GALNTL6: variants seen among roughly 807,000 people sequenced by gnomAD.
GALNTL6 encodes polypeptide N-acetylgalactosaminyltransferase-like 6.
A neutral mutation model predicts 73.7 loss-of-function variants in GALNTL6; 46 were observed. That is an observed-to-expected ratio of 0.62 (90% CI 0.49 to 0.80). The LOEUF (loss-of-function observed/expected upper bound fraction) is 0.80. GALNTL6 is among the 30% of genes least tolerant of loss of function. The pLI is 0.00. For missense variants in GALNTL6, 604 were observed against 755.0 expected (o/e 0.80, Z 2.34); for synonymous variants, 259 against 263.7 (o/e 0.98, Z 0.17).
intron 2 of GALNTL6, among the ~76,000 whole-genome samples, chr4:172,181,049 G>T (rs1291710157): frequency 1.3e-5 from 2 of 152,078 alleles, no homozygotes; most frequent in African/African-American, 4.8e-5. Flanking sequence ...ATTACTTTGG[G>T]CAGTATGACC....
chr4:171,951,961 T>G (rs891973441), intron 2 of GALNTL6, among the ~76,000 whole-genome samples: 1 of 152,062 alleles, frequency 6.6e-6, no homozygotes, highest in Non-Finnish European at 1.5e-5. Flanking sequence ...TAGTAAAATA[T>G]TTTAAAAATG....
Position 172,510,630 on chromosome 4 carries a change from G to T in GALNTL6, c.553+161941G>T, listed in dbSNP as rs1298500296. ...AGTATGTCCTTTCTATGCCAATTTTGTTGAGCATTTTAATGATAAAGGGAT... is the reference window on the plus strand; with the variant it reads ...AGTATGTCCTTTCTATGCCAATTTTTTTGAGCATTTTAATGATAAAGGGAT... On this transcript the variant is annotated intron_variant, in intron 5 of 12. Coordinates refer to ENST00000506823, the MANE Select transcript of GALNTL6 (RefSeq NM_001034845.3). Among the ~76,000 whole-genome samples the T allele has an allele frequency of 3.7e-5, 2 of 54,692 alleles. 1 individual carries two copies. The highest frequency in any genetic ancestry group is 9.1e-5 in the African/African-American group (2 of 21,964). 35.9% of individuals were successfully genotyped at this position (54,692 alleles called of 152,430 possible).
intron 2 of GALNTL6, among the ~76,000 whole-genome samples, chr4:171,832,338 T>A (rs953893472): frequency 2.0e-5 from 3 of 151,612 alleles, no homozygotes; most frequent in African/African-American, 7.2e-5. Context: ...GGGCAGGATA[T>A]TCCTATTTAC....
intron 2 of GALNTL6, among the ~76,000 whole-genome samples, chr4:171,896,762 T>C (rs1325091357): frequency 6.6e-6 from 1 of 152,146 alleles, no homozygotes; most frequent in African/African-American, 2.4e-5. Context: ...TTGTATGAAT[T>C]TGAGGGGGAC....
At chr4:172,869,252 A>G (rs1744805201) in intron 7 of GALNTL6, among the ~76,000 whole-genome samples, 1 of 152,252 alleles carries the variant, frequency 6.6e-6, no homozygotes, top group African/African-American at 2.4e-5. Context: ...ACAAGCTTAA[A>G]ATGATGAATA....
chr4:173,025,300 A>C (rs1206960813), intron 12 of GALNTL6, among the ~76,000 whole-genome samples: 1 of 152,104 alleles, frequency 6.6e-6, no homozygotes, highest in Non-Finnish European at 1.5e-5. Context: ...TGTTGAGGCA[A>C]CCTCAGTAAA....
Position 172,366,800 on chromosome 4 carries a change from AGACT to A in GALNTL6, c.553+18116_553+18119del, listed in dbSNP as rs150145773. 9.8e-4 allele frequency among the ~76,000 whole-genome samples: 150 copies of A among 152,322 alleles called. 1 individual carries two copies. In the South Asian group the frequency reaches 0.016, roughly 16 times the overall value. On this transcript the variant is annotated intron_variant, in intron 5 of 12. Coordinates refer to ENST00000506823, the MANE Select transcript of GALNTL6 (RefSeq NM_001034845.3). ...ATCACTGAGTAGAGTCAGTGGAAAG[AGACT>A]GACTATTTCCTTGTCCAAAAAGAGA...
chr4:172,555,419 A>G (rs541747943), intron 5 of GALNTL6, among the ~76,000 whole-genome samples: 23 of 152,086 alleles, frequency 1.5e-4, no homozygotes, highest in African/African-American at 3.9e-4. Flanking sequence ...TGAGACTCAC[A>G]TGAGTCTAAT....
At chr4:172,916,703 C>A (rs1284112469) in intron 8 of GALNTL6, among the ~76,000 whole-genome samples, 1 of 152,072 alleles carries the variant, frequency 6.6e-6, no homozygotes, top group Admixed American at 6.6e-5. Context: ...ATGTGAAGAA[C>A]CGTTTCAAGG....
intron 4 of GALNTL6, among the ~76,000 whole-genome samples, chr4:172,340,938 C>T (rs1177774991): frequency 1.3e-5 from 2 of 152,280 alleles, no homozygotes; most frequent in East Asian, 3.9e-4. Flanking sequence ...GTTCTGTGTA[C>T]AGCTCATTCC....
intron 4 of GALNTL6, among the ~76,000 whole-genome samples, chr4:172,333,971 A>G (rs1741222714): frequency 2.0e-5 from 3 of 152,080 alleles, no homozygotes; most frequent in African/African-American, 7.2e-5. Flanking sequence ...AGTTCTTGTC[A>G]ACTTTGTTGA....
chr4:172,936,184 C>G (rs535774103), intron 9 of GALNTL6, among the ~76,000 whole-genome samples: 1 of 152,104 alleles, frequency 6.6e-6, no homozygotes, highest in Admixed American at 6.6e-5. Context: ...AAAAACCACA[C>G]GATTATCTCA....
At chr4:171,917,776 A>G (rs1737671459) in intron 2 of GALNTL6, among the ~76,000 whole-genome samples, 1 of 152,122 alleles carries the variant, frequency 6.6e-6, no homozygotes, top group African/African-American at 2.4e-5. Context: ...CTGCTTATAC[A>G]CTTAGATGTA....
intron 5 of GALNTL6, among the ~76,000 whole-genome samples, chr4:172,521,143 A>C (rs1734761962): frequency 1.3e-5 from 2 of 152,152 alleles, no homozygotes; most frequent in Admixed American, 1.3e-4. Context: ...TACTATCTAC[A>C]AATGGCACAG....
chr4:172,899,227 T>C (rs1746492510), intron 8 of GALNTL6, among the ~76,000 whole-genome samples: 1 of 152,146 alleles, frequency 6.6e-6, no homozygotes, highest in South Asian at 2.1e-4. Context: ...TTAAGAGAAA[T>C]GTTATGTTGT....
At chr4:172,428,580 T>A (rs1029363364) in intron 5 of GALNTL6, among the ~76,000 whole-genome samples, 3 of 152,192 alleles carry the variant, frequency 2.0e-5, no homozygotes, top group Non-Finnish European at 4.4e-5. Flanking sequence ...TAGAGGATTA[T>A]TTGTCTCATT....
intron 5 of GALNTL6, among the ~76,000 whole-genome samples, chr4:172,774,970 A>G (rs1227040767): frequency 2.3e-5 from 1 of 43,098 alleles, no homozygotes; most frequent in Non-Finnish European, 7.5e-5. Context: ...AATAATAATA[A>G]TAATAATAAT....
intron 5 of GALNTL6, among the ~76,000 whole-genome samples, chr4:172,493,018 T>G (rs923025667): frequency 1.3e-5 from 2 of 152,170 alleles, no homozygotes; most frequent in Non-Finnish European, 2.9e-5. Context: ...AACTTACTAT[T>G]ATGCTTTTAA....
chr4:172,688,793 A>G (rs564845976), intron 5 of GALNTL6, among the ~76,000 whole-genome samples: 1 of 152,132 alleles, frequency 6.6e-6, no homozygotes, highest in Non-Finnish European at 1.5e-5. Flanking sequence ...CCTTATGGAG[A>G]GTACCCATGA....
Sources: gnomAD v4.1 joint callset for allele counts (sites outside exome capture counted in the v4.1 genomes callset) on GRCh38, gnomAD v4.1.1 for gene constraint, MANE v1.5 for transcripts, NCBI Gene and HGNC (gene_info 2026-07-23, HGNC 2026-07-21) for gene names.